Variants in SRP19 observed in about 807,000 individuals in gnomAD.
The protein encoded by SRP19 is signal recognition particle 19.
In SRP19, 11 loss-of-function variants were observed where a neutral mutation model predicts 22.4. The ratio of observed to expected loss-of-function variants is 0.49; its 90% CI spans 0.31 to 0.81. The LOEUF is 0.81. SRP19 is among the 40% of genes least tolerant of loss of function. The pLI is 0.05. For missense variants in SRP19, 168 were observed against 175.9 expected (o/e 0.96, Z 0.25); for synonymous variants, 61 against 57.6 (o/e 1.06, Z -0.27).
chr5:112,884,612 T>C (rs1264683489), intron 4 of SRP19, among the ~76,000 whole-genome samples: 5 of 151,958 alleles, frequency 3.3e-5, no homozygotes, highest in Admixed American at 6.6e-5. Flanking sequence ...GTCTCAAACT[T>C]CTGGCCTCAA....
At chr5:112,861,973 A>C (rs1365301186) in intron 1 of SRP19, among the ~76,000 whole-genome samples, 3 of 152,232 alleles carry the variant, frequency 2.0e-5, no homozygotes, top group African/African-American at 7.2e-5. Context: ...TTAAGCAAAT[A>C]ATAGCATAGG....
intron 4 of SRP19, among the ~76,000 whole-genome samples, chr5:112,890,712 C>G (rs996570395): frequency 4.0e-5 from 6 of 150,496 alleles, no homozygotes; most frequent in Non-Finnish European, 8.8e-5. Flanking sequence ...ACAGATCTCT[C>G]AACCCAACAA....
intron 4 of SRP19, among the ~76,000 whole-genome samples, chr5:112,886,806 A>G (rs1400053597): frequency 6.6e-6 from 1 of 152,242 alleles, no homozygotes; most frequent in Non-Finnish European, 1.5e-5. Context: ...TGAAGGCTAC[A>G]TTAAATGTGG....
chr5:112,895,550 G>T (rs1469465738), downstream of SRP19: 1 of 152,154 alleles, frequency 6.6e-6, no homozygotes, highest in East Asian at 1.9e-4. Context: ...AGGCTAGACT[G>T]CAGACTGTTA....
At chr5:112,873,085 G>A (rs1181028547), downstream of SRP19, among the ~76,000 whole-genome samples, 2 of 130,910 alleles carry the variant, frequency 1.5e-5, no homozygotes, top group Non-Finnish European at 3.2e-5. Context: ...GCTTTGTGTG[G>A]GTCTTTTTTT....
intron 4 of SRP19, among the ~76,000 whole-genome samples, chr5:112,879,078 C>T (rs1304770884): frequency 6.6e-6 from 1 of 151,982 alleles, no homozygotes; most frequent in Non-Finnish European, 1.5e-5. Flanking sequence ...TAGCCTAGCC[C>T]CTTGTTGTGA....
chr5:112,891,827 TAGA>T (rs769798543), exon 5 of SRP19: 6 of 1,574,730 alleles, frequency 3.8e-6, no homozygotes, highest in East Asian at 2.2e-5. Flanking sequence ...GAACAACAAC[TAGA>T]AGAAGAGAAG....
rs370035497 is a variant in SRP19 at position 112,861,341 on chromosome 5, C to G, written c.-36C>G. On this transcript the variant is annotated 5_prime_UTR_variant, in exon 1 of 5. Coordinates refer to ENST00000505459, the MANE Select transcript of SRP19 (RefSeq NM_003135.3). ...CCTCCCGGGTTTCTGCCGGGTTTCT[C>G]CCTGCGGCTCCTGGGTTGTTGAGAC... 12 of 1,613,916 alleles carry G rather than the reference C, an allele frequency of 7.4e-6. No individual in the cohort carries two copies. The highest frequency in any genetic ancestry group is 1.7e-5 in the Admixed American group (1 of 60,030).
At chr5:112,881,083 C>G (rs1292718843) in intron 4 of SRP19, among the ~76,000 whole-genome samples, 2 of 124,604 alleles carry the variant, frequency 1.6e-5, no homozygotes, top group African/African-American at 6.3e-5. Context: ...GAGCTGAGAT[C>G]ATGCTACTGC....
At position 112,867,744 on chromosome 5, in the gene SRP19, T is replaced by C. The variant is rs1401007462; in HGVS notation, c.*207T>C. The stretch of plus-strand genomic sequence containing the variant: ...CTCGCGTATATGCCGTATAAAAGAA[T>C]TTTTTTGTCTTTCAATGCAGTTTTT... On this transcript the variant is annotated 3_prime_UTR_variant, in exon 5 of 5. Transcript: ENST00000505459. 19 of 1,264,322 alleles carry C rather than the reference T, an allele frequency of 1.5e-5. No individual in the cohort carries two copies. The highest frequency in any genetic ancestry group is 1.8e-5 in the Non-Finnish European group (18 of 1,003,778). The allele number at this position is 1,264,322 out of a possible 1,614,324, so 78.3% of individuals were successfully genotyped here. A position where few individuals can be genotyped will look rare whatever the true frequency, so the allele number is the denominator to read the frequency against.
chr5:112,890,379 T>C (rs1347099807), intron 4 of SRP19, among the ~76,000 whole-genome samples: 2 of 150,320 alleles, frequency 1.3e-5, no homozygotes, highest in East Asian at 4.0e-4. Flanking sequence ...CTTTTTTTTT[T>C]TTTAAATAAA....
intron 4 of SRP19, among the ~76,000 whole-genome samples, chr5:112,881,122 C>T (rs1768061943): frequency 2.9e-5 from 2 of 69,538 alleles, no homozygotes; most frequent in Admixed American, 1.9e-4. Flanking sequence ...GAGTGAGACT[C>T]TGTTTCAAAA....
chr5:112,875,572 G>C (rs1161174187), intron 4 of SRP19, among the ~76,000 whole-genome samples: 1 of 151,672 alleles, frequency 6.6e-6, no homozygotes, highest in Non-Finnish European at 1.5e-5. Flanking sequence ...CTCACCATGT[G>C]GCCCAGGCTA....
chr5:112,896,211 TC>T (rs1377082205), downstream of SRP19: 1 of 152,632 alleles, frequency 6.6e-6, no homozygotes, highest in African/African-American at 2.4e-5. Flanking sequence ...CTTTTTAGCC[TC>T]CTACGAACAT....
intron 4 of SRP19, chr5:112,885,665 C>G (rs1298542929): frequency 3.2e-6 from 1 of 308,234 alleles, no homozygotes; most frequent in East Asian, 9.0e-5. Flanking sequence ...GAGGTCTACT[C>G]AGAAGGACCC....
rs146170662 is a variant in SRP19 at position 112,892,481 on chromosome 5, C to T, written c.*874C>T. On this transcript the variant is annotated 3_prime_UTR_variant, in exon 5 of 5. Transcript: ENST00000391338. ...GGCAATGTATATGTTCAGTACCAGTCGGAAGAAGAATGCCAAGCAGCCCTT... is the reference window on the plus strand; with the variant it reads ...GGCAATGTATATGTTCAGTACCAGTTGGAAGAAGAATGCCAAGCAGCCCTT... 48 of 1,614,094 alleles carry T rather than the reference C, an allele frequency of 3.0e-5. No homozygotes were observed. In the Admixed American group the frequency reaches 3.3e-4, roughly 11 times the overall value.
At chr5:112,884,396 T>A (rs1189750705) in intron 4 of SRP19, among the ~76,000 whole-genome samples, 1 of 151,982 alleles carries the variant, frequency 6.6e-6, no homozygotes, top group African/African-American at 2.4e-5. Flanking sequence ...TATTTTTTTT[T>A]TTTTTTAGGG....
At chr5:112,892,779 C>T (rs1254189153) in exon 5 of SRP19, 6 of 1,613,998 alleles carry the variant, frequency 3.7e-6, no homozygotes. Flanking sequence ...ACTACTACAG[C>T]AGGCAGCGGG....
chr5:112,878,716 A>G, intron 4 of SRP19: 1 of 1,575,860 alleles, frequency 6.3e-7, no homozygotes, highest in South Asian at 1.2e-5. Flanking sequence ...ATTATACCAC[A>G]GTCCCTAATA....
Sources: allele counts gnomAD v4.1 joint callset (sites outside exome capture counted in the v4.1 genomes callset), GRCh38; gene constraint gnomAD v4.1.1; transcripts MANE v1.5; gene names NCBI Gene and HGNC (gene_info 2026-07-23, HGNC 2026-07-21).